The following CLCN6 variants were observed in gnomAD, a reference collection of about 807,000 sequenced individuals.
CLCN6 encodes the protein H(+)/Cl(-) exchange transporter 6.
CLCN6 carries 70 observed loss-of-function variants against 109.8 expected under a neutral mutation model. That is an observed-to-expected ratio of 0.64 (90% CI 0.53 to 0.78). CLCN6 has a LOEUF of 0.78. Among genes scored for constraint, CLCN6 ranks in the 30% least tolerant of loss-of-function variants. The probability of loss-of-function intolerance (pLI) is 0.00; values close to 1 mark genes in which losing one functional copy is unlikely to be tolerated. For synonymous variants in CLCN6, 444 were observed against 447.8 expected (o/e 0.99, Z 0.11); for missense variants, 984 against 1,142.3 (o/e 0.86, Z 2.00).
chr1:11,826,209 C>A lies in CLCN6; in HGVS notation c.702C>A (p.Ser234Arg). The A allele has an allele frequency of 6.2e-7, 1 of 1,613,182 alleles. No homozygotes were observed. The highest frequency in any genetic ancestry group is 8.5e-7 in the Non-Finnish European group (1 of 1,179,154). Residue 234 changes from serine to arginine, a missense_variant, in exon 9 of 23, where the codon AGC (serine) becomes AGA (arginine). Ser to Arg is a moderately radical substitution (Grantham distance 110, BLOSUM62 -1). Transcript: ENST00000346436. Reference sequence around the variant, plus strand: ...AGTTTAACTTCCCCTATTTCCGAAGCGACAGGTATGGAAAGGTTAGAAATT... The same window carrying A: ...AGTTTAACTTCCCCTATTTCCGAAGAGACAGGTATGGAAAGGTTAGAAATT... ...KIQFNFPYFR[S>R]DRDKRDFVSA... is the part of the protein sequence containing the mutation.
rs1162980085 is a variant in CLCN6 at position 11,833,947 on chromosome 1, C to T, written c.1443C>T (p.Gly481=). The T allele has an allele frequency of 1.2e-6, 2 of 1,613,890 alleles. No individual in the cohort carries two copies. Among genetic ancestry groups the T allele is most frequent in the African/African-American group, 2.7e-5 (2 of 74,910 alleles). The change falls in exon 15 of 23, where the codon GGC becomes GGT. Residue 481 remains glycine (G), a synonymous_variant. Coordinates refer to ENST00000346436, the MANE Select transcript of CLCN6 (RefSeq NM_001286.5). ...TCTTGCTTGCATGTTGGACTTACGG[C>T]ATTTCTGTTCCAAGTGGCCTTTTTG... is the stretch of plus-strand genomic sequence containing the variant. ...LYFLLACWTY[G]ISVPSGLFVP...
chr1:11,842,865 C>A lies in CLCN6; in HGVS notation c.*2642C>A, dbSNP rs1645042381. The A allele has an allele frequency of 1.3e-5, 2 of 152,256 alleles. No homozygotes were observed. Among genetic ancestry groups the A allele is most frequent in the African/African-American group, 4.8e-5 (2 of 41,462 alleles). The allele number at this position is 152,256 out of a possible 1,614,324, so 9.4% of individuals were successfully genotyped here. On this transcript the variant is annotated 3_prime_UTR_variant, in exon 23 of 23. Transcript: ENST00000346436. ...GACATGACCCTGGGTGACAGGAAAG[C>A]CTTTCGAGAGGCCCAAGGTGGCCTC...
intron 1 of CLCN6, chr1:11,806,802 A>G (rs2100594780): frequency 2.6e-6 from 1 of 382,890 alleles, no homozygotes. Context: ...CAGAGTTGAC[A>G]AGTCCTTTCT....
intron 6 of CLCN6, 98 bp from the exon 7 acceptor site, chr1:11,823,609 G>A (rs1245961267): frequency 1.1e-5 from 16 of 1,519,576 alleles, no homozygotes; most frequent in Non-Finnish European, 1.4e-5. Flanking sequence ...TGCTAATGAA[G>A]GTGGCCAGCT....
Position 11,842,548 on chromosome 1 carries a change from T to C in CLCN6, c.*2325T>C, listed in dbSNP as rs760109421. 2.6e-5 allele frequency: 4 copies of C among 152,738 alleles called. No individual in the cohort carries two copies. The highest frequency in any genetic ancestry group is 5.9e-5 in the Non-Finnish European group (4 of 68,084). The allele number at this position is 152,738 out of a possible 1,614,324, so 9.5% of individuals were successfully genotyped here. A position where few individuals can be genotyped will look rare whatever the true frequency, so the allele number is the denominator to read the frequency against. On this transcript the variant is annotated 3_prime_UTR_variant, in exon 23 of 23. Transcript: ENST00000346436. ...ACCAGCCTTTTCAGCATCTCACCCA[T>C]TAGCAGCCCCATCACCCAGTGATCA...
intron 7 of CLCN6, 28 bp downstream of exon 7, chr1:11,823,861 A>C: frequency 6.2e-7 from 1 of 1,612,574 alleles, no homozygotes; most frequent in South Asian, 1.1e-5. Flanking sequence ...TGTATCCTTC[A>C]AATACTCAAA....
At chr1:11,822,193 G>A (rs1202800938) in intron 5 of CLCN6, among the ~76,000 whole-genome samples, 1 of 152,108 alleles carries the variant, frequency 6.6e-6, no homozygotes, top group Non-Finnish European at 1.5e-5. Context: ...CAGTTGTGAG[G>A]GTATGGGTAT....
intron 8 of CLCN6, among the ~76,000 whole-genome samples, chr1:11,825,229 T>C (rs1231773993): frequency 2.0e-5 from 3 of 152,144 alleles, no homozygotes; most frequent in Non-Finnish European, 1.5e-5. Context: ...GAGGGAGTTA[T>C]TGTGGTTGGG....
At position 11,809,953 on chromosome 1, in the gene CLCN6, G is replaced by A. The variant is rs537553415; in HGVS notation, c.147+2763G>A. 5.3e-5 allele frequency among the ~76,000 whole-genome samples: 8 copies of A among 152,310 alleles called. 1 individual carries two copies. In the South Asian group the frequency reaches 1.7e-3, roughly 32 times the overall value. ...CACAAAAAGTATAATAAAGAGGGGA[G>A]TGAGTGGGACAGGTTAAAATAGTTG... On this transcript the variant is annotated intron_variant, in intron 2 of 22. Transcript: ENST00000346436.
chr1:11,831,445 G>A (rs1324121422), intron 13 of CLCN6, among the ~76,000 whole-genome samples: 6 of 151,920 alleles, frequency 3.9e-5, no homozygotes, highest in African/African-American at 1.5e-4. Flanking sequence ...GTGAGCCACC[G>A]TGTCCAGCTG....
Position 11,816,597 on chromosome 1 carries a change from C to T in CLCN6, c.214-18C>T. 6.2e-7 allele frequency: 1 copy of T among 1,609,074 alleles called. No homozygotes were observed. The highest frequency in any genetic ancestry group is 8.5e-7 in the Non-Finnish European group (1 of 1,177,312). On this transcript the variant is annotated intron_variant, in intron 3 of 22. Coordinates refer to ENST00000346436, the MANE Select transcript of CLCN6 (RefSeq NM_001286.5). ...CCATAACCCTGTAAACTGAATCATTCTTTTCCTGTGTGAACAGAAAGGTCG... is the reference window on the plus strand; with the variant it reads ...CCATAACCCTGTAAACTGAATCATTTTTTTCCTGTGTGAACAGAAAGGTCG...
In CLCN6 at chr1:11,838,666, C is replaced by T. The variant is rs560036425; in HGVS notation, c.2529+6C>T. 1.4e-5 allele frequency: 23 copies of T among 1,614,208 alleles called. No homozygotes were observed. Among genetic ancestry groups the T allele is most frequent in the South Asian group, 2.2e-5 (2 of 91,082 alleles). On this transcript the variant is annotated splice_donor_region_variant and intron_variant, in intron 22 of 22. Transcript: ENST00000346436. ...TGGTGAACGCTGTGGGAGAGGTGAGCGAGGCCCCGGCCCTGCCCCCACCTT... is the reference window on the plus strand; with the variant it reads ...TGGTGAACGCTGTGGGAGAGGTGAGTGAGGCCCCGGCCCTGCCCCCACCTT...
chr1:11,833,503 CCTT>C lies in CLCN6; in HGVS notation c.1249-6_1249-4del, dbSNP rs1311877634. ...GTGTCCTTGTACTGATTTTCTGATTCCTTCTTCTCAGGTCACAGAAGATGTGAA... is the reference window on the plus strand; with the variant it reads ...GTGTCCTTGTACTGATTTTCTGATTCCTTCTCAGGTCACAGAAGATGTGAA... On this transcript the variant is annotated splice_polypyrimidine_tract_variant and intron_variant, in intron 13 of 22. Coordinates refer to ENST00000346436, the MANE Select transcript of CLCN6 (RefSeq NM_001286.5). 6.2e-7 allele frequency: 1 copy of C among 1,613,326 alleles called. No individual in the cohort carries two copies. Among genetic ancestry groups the C allele is most frequent in the Non-Finnish European group, 8.5e-7 (1 of 1,179,742 alleles).
In CLCN6 at chr1:11,834,458, T is replaced by A; in HGVS notation, c.1687-26T>A. The A allele has an allele frequency of 6.2e-7, 1 of 1,613,470 alleles. No individual in the cohort carries two copies. Among genetic ancestry groups the A allele is most frequent in the Non-Finnish European group, 8.5e-7 (1 of 1,179,478 alleles). Reference sequence around the variant, plus strand: ...GCCACGTCCGCCCCACAGGACCTATTTTTAGGTCTTTGCTTTGTGTTTCAG... The same window carrying A: ...GCCACGTCCGCCCCACAGGACCTATATTTAGGTCTTTGCTTTGTGTTTCAG... On this transcript the variant is annotated intron_variant, in intron 16 of 22. Transcript: ENST00000346436. This position sits in a 1 kb window ranked among gnomAD's most constrained non-coding sequence, Gnocchi z 4.5.
chr1:11,811,956 C>T (rs1329412098), intron 2 of CLCN6, among the ~76,000 whole-genome samples: 2 of 152,146 alleles, frequency 1.3e-5, no homozygotes, highest in Non-Finnish European at 2.9e-5. Context: ...TCAGGCACCA[C>T]TCGCGGAACA....
chr1:11,835,626 G>T (rs1644934117), intron 17 of CLCN6, among the ~76,000 whole-genome samples: 1 of 152,168 alleles, frequency 6.6e-6, no homozygotes, highest in South Asian at 2.1e-4. Context: ...GCAGTTCAGG[G>T]GTAGTATGTG....
At chr1:11,814,247 C>CTTTT (rs1197587407) in intron 2 of CLCN6, among the ~76,000 whole-genome samples, 23 of 131,224 alleles carry the variant, frequency 1.8e-4, no homozygotes, top group African/African-American at 5.6e-4. Context: ...ACTGCTGCGT[C>CTTTT]TTTTTTTTTT....
At chr1:11,824,637 C>T (rs1644789154) in intron 8 of CLCN6, 84 bp downstream of exon 8, 1 of 1,067,134 alleles carries the variant, frequency 9.4e-7, no homozygotes. Context: ...TTGGGACACC[C>T]TGACATCACA....
In CLCN6 at chr1:11,838,544, C is replaced by T. The variant is rs574102759; in HGVS notation, c.2413C>T (p.Pro805Ser). 3.3e-5 allele frequency: 53 copies of T among 1,608,950 alleles called. 1 individual carries two copies. In the South Asian group the frequency reaches 5.6e-4, roughly 17 times the overall value. The change falls in exon 22 of 23, where the codon CCA becomes TCA. Residue 805 changes from proline (P) to serine (S), a missense_variant. Pro to Ser is a moderately conservative substitution (Grantham distance 74). Transcript: ENST00000346436. ...LNPRMIVDVT[P>S]YMNPSPFTVS... The stretch of plus-strand genomic sequence containing the variant: ...CGTGGTCTCTTTGCAGGATGTCACC[C>T]CATACATGAACCCTTCGCCTTTCAC...
Sources: gnomAD v4.1 joint callset for allele counts (sites outside exome capture counted in the v4.1 genomes callset) on GRCh38, gnomAD v4.1.1 for gene constraint, Gnocchi (gnomAD v3.1) non-coding constraint, MANE v1.5 for transcripts, NCBI Gene and HGNC (gene_info 2026-07-23, HGNC 2026-07-21) for gene names.